CCDC138: variants seen among roughly 807,000 people sequenced by gnomAD.
CCDC138 encodes coiled-coil domain containing 138.
In CCDC138, 66 loss-of-function variants were observed where a neutral mutation model predicts 82.3. The observed-to-expected ratio is 0.80, with a 90% CI of 0.66 to 0.98. The LOEUF is 0.98. Ranked by LOEUF, CCDC138 falls within the 50% of genes least tolerant of loss-of-function variation. The pLI is 0.00. For missense variants in CCDC138, 816 were observed against 758.9 expected, an observed-to-expected ratio of 1.08 and a Z score of -0.88; for synonymous variants, 297 against 265.4, an observed-to-expected ratio of 1.12 and a Z score of -1.16.
intron 10 of CCDC138, among the ~76,000 whole-genome samples, chr2:108,830,607 G>A (rs565275110): frequency 1.3e-5 from 2 of 151,674 alleles, no homozygotes; most frequent in Non-Finnish European, 2.9e-5. Context: ...AGGAGTTCAA[G>A]TCCAACCTGG....
chr2:108,871,370 TAAAAAA>T (rs59725353), intron 13 of CCDC138, among the ~76,000 whole-genome samples: 21 of 76,650 alleles, frequency 2.7e-4, no homozygotes, highest in African/African-American at 5.4e-4. Flanking sequence ...CCAACTCTAT[TAAAAAA>T]AAAAAAAAAA....
chr2:108,820,700 A>AG (rs1011256050), intron 10 of CCDC138, among the ~76,000 whole-genome samples: 3 of 36,946 alleles, frequency 8.1e-5, no homozygotes, highest in African/African-American at 3.9e-4. Flanking sequence ...TTCAAAGTGC[A>AG]AAAAAAAAAA....
At position 108,813,350 on chromosome 2, in the gene CCDC138, T is replaced by A. The variant is rs538241944; in HGVS notation, c.1041+423T>A. 6.9e-4 allele frequency among the ~76,000 whole-genome samples: 105 copies of A among 152,124 alleles called. 1 individual carries two copies. Among genetic ancestry groups the A allele is most frequent in the African/African-American group, 2.5e-3 (104 of 41,546 alleles). On this transcript the variant is annotated intron_variant, in intron 9 of 14. Transcript: ENST00000295124. ...TCTCTTTGATTTAGCAAACATTCTT[T>A]TTGGAATGTTTGCTATGGAAGGGAT...
intron 10 of CCDC138, among the ~76,000 whole-genome samples, chr2:108,831,409 T>C (rs898397421): frequency 3.9e-5 from 6 of 152,136 alleles, no homozygotes; most frequent in African/African-American, 1.4e-4. Context: ...ATTCAAAAGA[T>C]AAGAAAAAGT....
At chr2:108,866,850 T>A (rs1694495038) in intron 13 of CCDC138, among the ~76,000 whole-genome samples, 1 of 151,090 alleles carries the variant, frequency 6.6e-6, no homozygotes, top group African/African-American at 2.4e-5. Context: ...GCCACGGCAC[T>A]CCAGCCTGGG....
At chr2:108,827,343 A>C (rs1220605048) in intron 10 of CCDC138, among the ~76,000 whole-genome samples, 15 of 152,220 alleles carry the variant, frequency 9.9e-5, no homozygotes, top group Admixed American at 9.8e-4. Context: ...ACAATACCAA[A>C]TTTACAAAGC....
At chr2:108,859,658 G>C (rs1222883929) in intron 13 of CCDC138, among the ~76,000 whole-genome samples, 1 of 152,022 alleles carries the variant, frequency 6.6e-6, no homozygotes, top group East Asian at 1.9e-4. Flanking sequence ...CCATTGGTCT[G>C]TGTGTCTTTT....
intron 10 of CCDC138, among the ~76,000 whole-genome samples, chr2:108,817,299 CT>C (rs35517828): frequency 9.3e-4 from 134 of 143,944 alleles, no homozygotes; most frequent in Non-Finnish European, 8.3e-4. Flanking sequence ...AATCTTTTTT[CT>C]TTTTTTTTTT....
chr2:108,811,245 C>CTTTTTTTTTTTTTT (rs144518921), intron 7 of CCDC138, among the ~76,000 whole-genome samples: 6 of 109,628 alleles, frequency 5.5e-5, no homozygotes, highest in African/African-American at 2.1e-4. Flanking sequence ...CTTTCTCTCT[C>CTTTTTTTTTTTTTT]TCTTTTTTTT....
chr2:108,799,243 A>G (rs1297183943), intron 6 of CCDC138, among the ~76,000 whole-genome samples: 1 of 152,162 alleles, frequency 6.6e-6, no homozygotes, highest in African/African-American at 2.4e-5. Context: ...TAGACAAAAT[A>G]TTTTTGGCAA....
intron 13 of CCDC138, among the ~76,000 whole-genome samples, chr2:108,872,662 G>A (rs1695460908): frequency 6.6e-6 from 1 of 152,080 alleles, no homozygotes; most frequent in Non-Finnish European, 1.5e-5. Context: ...AGGACAAGAG[G>A]GCAAGAGAGA....
intron 14 of CCDC138, 128 bp from the exon 15 acceptor site, chr2:108,875,960 T>C (rs1453691962): frequency 1.7e-5 from 10 of 583,920 alleles, no homozygotes; most frequent in Non-Finnish European, 2.9e-5. Context: ...TTTAGTTGCC[T>C]ATTTTCTCCA....
chr2:108,827,057 A>G (rs959942009), intron 10 of CCDC138, among the ~76,000 whole-genome samples: 7 of 152,208 alleles, frequency 4.6e-5, no homozygotes, highest in African/African-American at 1.7e-4. Flanking sequence ...TTACTAATAT[A>G]TGGTTACACA....
intron 4 of CCDC138, among the ~76,000 whole-genome samples, chr2:108,794,244 T>A (rs1230261684): frequency 6.6e-6 from 1 of 152,136 alleles, no homozygotes; most frequent in East Asian, 1.9e-4. Context: ...GCTTTTAAGG[T>A]TGCTTTCCAT....
chr2:108,787,186 T>C (rs1037172871), intron 1 of CCDC138, among the ~76,000 whole-genome samples: 1 of 152,234 alleles, frequency 6.6e-6, no homozygotes, highest in African/African-American at 2.4e-5. Flanking sequence ...AGCTTTTTTT[T>C]GCAGTGATGT....
downstream of CCDC138, among the ~76,000 whole-genome samples, chr2:108,878,645 C>T (rs1407789269): frequency 3.3e-5 from 5 of 152,160 alleles, no homozygotes; most frequent in Admixed American, 3.3e-4. Flanking sequence ...ATATGTGAGA[C>T]CTTTTATTTG....
At chr2:108,793,565 ACTT>A (rs1680305612) in intron 4 of CCDC138, among the ~76,000 whole-genome samples, 1 of 151,702 alleles carries the variant, frequency 6.6e-6, no homozygotes, top group African/African-American at 2.4e-5. Flanking sequence ...TTTTGCTACT[ACTT>A]ATATACCCTC....
intron 10 of CCDC138, among the ~76,000 whole-genome samples, chr2:108,831,404 A>G (rs1357265019): frequency 6.6e-6 from 1 of 152,220 alleles, no homozygotes; most frequent in Non-Finnish European, 1.5e-5. Flanking sequence ...GAAACATTCA[A>G]AAGATAAGAA....
chr2:108,822,382 CAGAT>C (rs1237513840), intron 10 of CCDC138, among the ~76,000 whole-genome samples: 1 of 152,034 alleles, frequency 6.6e-6, no homozygotes, highest in Non-Finnish European at 1.5e-5. Context: ...CTTTCAGAAA[CAGAT>C]AGAATAACTA....
Sources: gnomAD v4.1 joint callset for allele counts (sites outside exome capture counted in the v4.1 genomes callset) on GRCh38, gnomAD v4.1.1 for gene constraint, MANE v1.5 for transcripts, NCBI Gene and HGNC (gene_info 2026-07-23, HGNC 2026-07-21) for gene names.